Variants in NXPE4 observed in about 807,000 individuals in gnomAD.
The protein encoded by NXPE4 is neurexophilin and PC-esterase domain family member 4.
Under a neutral mutation model 33.3 loss-of-function variants are expected in NXPE4, and 42 were observed. That is an observed-to-expected ratio of 1.26 (90% CI 0.98 to 1.63). NXPE4 has a LOEUF of 1.63. NXPE4 is among the 40% of genes most tolerant of loss of function. The probability of loss-of-function intolerance (pLI) is 0.00; values close to 1 mark genes in which losing one functional copy is unlikely to be tolerated. For missense variants in NXPE4, 709 were observed against 647.6 expected (o/e 1.09, Z -1.03); for synonymous variants, 253 against 234.9 (o/e 1.08, Z -0.71).
the NXPE4 span, among the ~76,000 whole-genome samples, chr11:114,677,447 A>G: frequency 2.6e-5 from 4 of 152,084 alleles, no homozygotes. Context: ...ACAATTCTGG[A>G]CACTATTATA....
intron 5 of NXPE4, among the ~76,000 whole-genome samples, chr11:114,575,064 C>T (rs771656959): frequency 2.0e-5 from 3 of 151,972 alleles, no homozygotes; most frequent in Non-Finnish European, 2.9e-5. Context: ...ATGTGATACA[C>T]CATATAAATA....
At chr11:114,583,257 C>A (rs543746282) in intron 2 of NXPE4, 7 of 664,010 alleles carry the variant, frequency 1.1e-5, no homozygotes, top group Non-Finnish European at 1.9e-5. Context: ...AGCAAGATGG[C>A]GCAAAGGCAG....
At chr11:114,583,979 C>T (rs1167696656) in intron 2 of NXPE4, 1 of 374,270 alleles carries the variant, frequency 2.7e-6, no homozygotes, top group Non-Finnish European at 5.2e-6. Context: ...CATTTTCAAA[C>T]TGGTCATGTC....
At chr11:114,597,122 T>G (rs148500694), upstream of NXPE4, among the ~76,000 whole-genome samples, 867 of 152,274 alleles carry the variant, frequency 5.7e-3, 5 homozygotes, top group Non-Finnish European at 9.2e-3. Context: ...AAGGATAGAC[T>G]CTGATTAATT....
chr11:114,657,072 T>A, the NXPE4 span, among the ~76,000 whole-genome samples: 1 of 152,130 alleles, frequency 6.6e-6, no homozygotes, highest in Non-Finnish European at 1.5e-5. Context: ...CCAGCCTGGG[T>A]GACAGAGTGA....
chr11:114,633,831 A>G, the NXPE4 span, among the ~76,000 whole-genome samples: 2 of 152,002 alleles, frequency 1.3e-5, no homozygotes, highest in Admixed American at 6.6e-5. Flanking sequence ...TCCATGGTGT[A>G]TATGTGCCAC....
chr11:114,582,529 G>T lies in NXPE4; in HGVS notation c.589C>A (p.Gln197Lys), dbSNP rs1434708192. ...GVSALWSARN[Q>K]GYDRVIFTGQ... ...GTGAAGATCACCCTGTCATAGCCTT[G>T]GTTCCTTGCACTCCAGAGAGCTGAC... The change falls in exon 3 of 6, where the codon CAA (glutamine) becomes AAA (lysine). Residue 197 changes from glutamine to lysine, a missense_variant. Transcript: ENST00000375478. 3.7e-6 allele frequency: 6 copies of T among 1,614,118 alleles called. No homozygotes were observed. Among genetic ancestry groups the T allele is most frequent in the Non-Finnish European group, 5.1e-6 (6 of 1,180,000 alleles).
chr11:114,674,914 G>A, the NXPE4 span, among the ~76,000 whole-genome samples: 1 of 151,658 alleles, frequency 6.6e-6, no homozygotes, highest in Admixed American at 6.6e-5. Flanking sequence ...CAAAATACTA[G>A]CAAACAAAAT....
the NXPE4 span, among the ~76,000 whole-genome samples, chr11:114,639,673 A>G: frequency 7.0e-6 from 1 of 141,890 alleles, no homozygotes; most frequent in Non-Finnish European, 1.5e-5. Flanking sequence ...TGTATTATAT[A>G]TGTAATATAT....
the NXPE4 span, among the ~76,000 whole-genome samples, chr11:114,613,965 G>A: frequency 2.0e-5 from 3 of 151,498 alleles, no homozygotes; most frequent in African/African-American, 7.3e-5. Context: ...GTTTACCGGT[G>A]GATAATAAGT....
chr11:114,628,681 T>G, the NXPE4 span, among the ~76,000 whole-genome samples: 1 of 65,820 alleles, frequency 1.5e-5, no homozygotes, highest in Non-Finnish European at 2.9e-5. Context: ...AGAGCAGAAC[T>G]GAAGGAAATA....
the NXPE4 span, among the ~76,000 whole-genome samples, chr11:114,629,700 G>A: frequency 6.6e-6 from 1 of 151,936 alleles, no homozygotes; most frequent in East Asian, 1.9e-4. Context: ...GGAATAAAGG[G>A]TATTCAATTA....
the NXPE4 span, among the ~76,000 whole-genome samples, chr11:114,616,754 G>A: frequency 1.3e-4 from 19 of 151,602 alleles, 2 homozygotes; most frequent in East Asian, 3.9e-4. Context: ...ACGGTTAACC[G>A]GTGGATAATA....
At chr11:114,647,709 T>A in the NXPE4 span, among the ~76,000 whole-genome samples, 7 of 151,300 alleles carry the variant, frequency 4.6e-5, no homozygotes, top group African/African-American at 1.7e-4. Flanking sequence ...TATTTTATTT[T>A]TTTTTTTTTT....
the NXPE4 span, among the ~76,000 whole-genome samples, chr11:114,675,918 C>A: frequency 6.6e-6 from 1 of 151,620 alleles, no homozygotes; most frequent in African/African-American, 2.4e-5. Flanking sequence ...AGAATGGAAC[C>A]AAATAGAGAC....
chr11:114,587,689 T>C (rs1054450410), intron 2 of NXPE4, among the ~76,000 whole-genome samples: 2 of 152,202 alleles, frequency 1.3e-5, no homozygotes, highest in Non-Finnish European at 2.9e-5. Flanking sequence ...ATGCCCCCAC[T>C]GTCTTCCCCT....
chr11:114,611,932 G>A, the NXPE4 span, among the ~76,000 whole-genome samples: 89 of 151,238 alleles, frequency 5.9e-4, no homozygotes, highest in African/African-American at 2.1e-3. Flanking sequence ...TTGCCCGGTG[G>A]GTAACCACTG....
At position 114,582,832 on chromosome 11, in the gene NXPE4, T is replaced by C; in HGVS notation, c.286A>G (p.Ser96Gly). Reference protein sequence around the residue: ...RPFTHVNTTTSATHSTATILN... With the variant: ...RPFTHVNTTTGATHSTATILN... ...ATGGTGGCTGTGCTATGTGTGGCGC[T>C]GGTGGTGGTGTTCACGTGGGTGAAA... The change falls in exon 3 of 6, where the codon AGC becomes GGC. Residue 96 changes from serine to glycine, a missense_variant. Ser to Gly is a moderately conservative substitution (Grantham distance 56). Transcript: ENST00000375478. The C allele has an allele frequency of 6.2e-7, 1 of 1,614,160 alleles. No homozygotes were observed. Among genetic ancestry groups the C allele is most frequent in the Non-Finnish European group, 8.5e-7 (1 of 1,180,018 alleles).
the NXPE4 span, among the ~76,000 whole-genome samples, chr11:114,637,877 C>T: frequency 3.3e-5 from 5 of 151,976 alleles, no homozygotes; most frequent in Admixed American, 6.6e-5. Flanking sequence ...CCCGACCTTT[C>T]TCTCTGGCTG....
Sources: gnomAD v4.1 joint callset for allele counts (sites outside exome capture counted in the v4.1 genomes callset) on GRCh38, gnomAD v4.1.1 for gene constraint, MANE v1.5 for transcripts, NCBI Gene and HGNC (gene_info 2026-07-23, HGNC 2026-07-21) for gene names.